PRMT2: variants seen among roughly 807,000 people sequenced by gnomAD.
PRMT2 encodes protein arginine N-methyltransferase 2.
A neutral mutation model predicts 57.6 loss-of-function variants in PRMT2; 26 were observed. That is an observed-to-expected ratio of 0.45 (90% CI 0.33 to 0.63). The LOEUF (loss-of-function observed/expected upper bound fraction) is 0.63, where lower values mean the gene tolerates loss of function less well. Ranked by LOEUF, PRMT2 falls within the 20% of genes least tolerant of loss-of-function variation. The pLI is 0.02. For missense variants in PRMT2, 472 were observed against 564.4 expected (o/e 0.84, Z 1.66); for synonymous variants, 219 against 220.0 (o/e 1.00, Z 0.04).
intron 9 of PRMT2, 92 bp from the exon 10 acceptor site, chr21:46,661,708 G>T (rs954784633): frequency 8.3e-7 from 1 of 1,211,668 alleles, no homozygotes; most frequent in African/African-American, 1.6e-5. Flanking sequence ...CGCATTCAGC[G>T]TCTGCGCGGG....
chr21:46,660,305 C>T (rs1428732990), intron 8 of PRMT2: 1 of 429,022 alleles, frequency 2.3e-6, no homozygotes, highest in Non-Finnish European at 3.1e-6. Context: ...TGTGTAGCAA[C>T]AGAGCAAGTA....
At chr21:46,662,893 C>T (rs116150619) in intron 10 of PRMT2, among the ~76,000 whole-genome samples, 76 of 152,328 alleles carry the variant, frequency 5.0e-4, no homozygotes, top group African/African-American at 1.8e-3. Context: ...TGTCTGTGTA[C>T]ACCACAGTTT....
In PRMT2 at chr21:46,661,917, A is replaced by G; in HGVS notation, c.1078A>G (p.Ser360Gly). 1 of 1,376,484 alleles carries G rather than the reference A, an allele frequency of 7.3e-7. No individual in the cohort carries two copies. The highest frequency in any genetic ancestry group is 1.5e-5 in the South Asian group (1 of 68,936). The allele number at this position is 1,376,484 out of a possible 1,614,324, so 85.3% of individuals were successfully genotyped here. ...GGAGGGGCAGCCGCCGCAGGTGCTCAGCACCGGGCCCTTCCACCCGTGAGT... is the reference window on the plus strand; with the variant it reads ...GGAGGGGCAGCCGCCGCAGGTGCTCGGCACCGGGCCCTTCCACCCGTGAGT... ...LQEGQPPQVLSTGPFHPTTHW... is the reference protein window; with the variant it reads ...LQEGQPPQVLGTGPFHPTTHW... Residue 360 changes from serine (S) to glycine (G), a missense_variant, in exon 10 of 12, where the codon AGC becomes GGC. Ser to Gly is a moderately conservative substitution (Grantham distance 56). Coordinates refer to ENST00000355680, the MANE Select transcript of PRMT2 (RefSeq NM_206962.4).
chr21:46,661,876 A>G lies in PRMT2; in HGVS notation c.1037A>G (p.His346Arg). ...GGCTTCACGGCCTGGTTTAGCGTCC[A>G]CTTCCAGAGCCTGCAGGAGGGGCAG... is the stretch of plus-strand genomic sequence containing the variant. ...LHGFTAWFSV[H>R]FQSLQEGQPP... is the part of the protein sequence containing the mutation. The change falls in exon 10 of 12, where the codon CAC becomes CGC. Residue 346 changes from histidine to arginine, a missense_variant. His to Arg is a conservative substitution (Grantham distance 29, BLOSUM62 0). Coordinates refer to ENST00000355680, the MANE Select transcript of PRMT2 (RefSeq NM_206962.4). 6.7e-7 allele frequency: 1 copy of G among 1,503,206 alleles called. No individual in the cohort carries two copies. The highest frequency in any genetic ancestry group is 1.3e-5 in the South Asian group (1 of 79,170). The allele number at this position is 1,503,206 out of a possible 1,614,324, so 93.1% of individuals were successfully genotyped here. A position where few individuals can be genotyped will look rare whatever the true frequency, so the allele number is the denominator to read the frequency against.
intron 7 of PRMT2, among the ~76,000 whole-genome samples, chr21:46,655,756 A>C (rs2061533090): frequency 6.6e-6 from 1 of 152,226 alleles, no homozygotes; most frequent in African/African-American, 2.4e-5. Context: ...AAATCTAACA[A>C]AATGTGATCT....
rs1245666871 is a variant in PRMT2 at position 46,648,082 on chromosome 21, T to G, written c.328-376T>G. Among the ~76,000 whole-genome samples, 1 of 152,240 alleles carries G rather than the reference T, an allele frequency of 6.6e-6. No individual in the cohort carries two copies. Among genetic ancestry groups the G allele is most frequent in the East Asian group, 1.9e-4 (1 of 5,208 alleles). On this transcript the variant is annotated intron_variant, in intron 5 of 11. Coordinates refer to ENST00000355680, the MANE Select transcript of PRMT2 (RefSeq NM_206962.4). The surrounding 1 kb of genome is among the most constrained non-coding windows in gnomAD (Gnocchi z 4.8). Reference sequence around the variant, plus strand: ...TTTAGTAGGTACTGCATGGAATGTTTATGTTAATTTTGGGAGAGCTGACAT... The same window carrying G: ...TTTAGTAGGTACTGCATGGAATGTTGATGTTAATTTTGGGAGAGCTGACAT...
intron 3 of PRMT2, among the ~76,000 whole-genome samples, 162 bp downstream of exon 3, chr21:46,637,152 G>A (rs2061187220): frequency 1.3e-5 from 2 of 152,212 alleles, no homozygotes; most frequent in Admixed American, 1.3e-4. Flanking sequence ...CAGAGGAAAC[G>A]CAGTGCCTGT....
rs558193250 is a variant in PRMT2 at position 46,648,289 on chromosome 21, A to G, written c.328-169A>G. Reference sequence around the variant, plus strand: ...AGGGGGTGGGTGAAGTGTTCTCTAAATACCAATGAGATTAACTTGGTTGAC... The same window carrying G: ...AGGGGGTGGGTGAAGTGTTCTCTAAGTACCAATGAGATTAACTTGGTTGAC... On this transcript the variant is annotated intron_variant, in intron 5 of 11. Coordinates refer to ENST00000355680, the MANE Select transcript of PRMT2 (RefSeq NM_206962.4). This position sits in a 1 kb window ranked among gnomAD's most constrained non-coding sequence, Gnocchi z 4.8. The G allele has an allele frequency of 3.2e-6, 2 of 623,580 alleles. No homozygotes were observed. The highest frequency in any genetic ancestry group is 5.5e-5 in the East Asian group (2 of 36,188). The allele number at this position is 623,580 out of a possible 1,614,324, so 38.6% of individuals were successfully genotyped here. A position where few individuals can be genotyped will look rare whatever the true frequency, so the allele number is the denominator to read the frequency against.
chr21:46,647,309 A>G (rs2061379319), intron 5 of PRMT2, among the ~76,000 whole-genome samples: 1 of 151,934 alleles, frequency 6.6e-6, no homozygotes, highest in African/African-American at 2.4e-5. Context: ...TTTAGCCTGA[A>G]TTTGTGAAGT....
intron 8 of PRMT2, chr21:46,659,231 C>G (rs1384463053): frequency 9.1e-7 from 1 of 1,100,388 alleles, no homozygotes; most frequent in Non-Finnish European, 1.1e-6. Flanking sequence ...AGCCCTTGTT[C>G]TCTCACGCCA....
At chr21:46,653,325 G>A (rs569066799) in intron 7 of PRMT2, 26 of 985,308 alleles carry the variant, frequency 2.6e-5, no homozygotes, top group Non-Finnish European at 2.9e-5. Flanking sequence ...TGGCCAGTAA[G>A]AATTTAATTT....
chr21:46,644,217 T>G, intron 4 of PRMT2, 89 bp from the exon 5 acceptor site: 1 of 1,298,668 alleles, frequency 7.7e-7, no homozygotes, highest in Non-Finnish European at 1.1e-6. Flanking sequence ...CTCTGTGATT[T>G]TGTCACCATT....
chr21:46,657,231 C>T (rs1328937891), intron 7 of PRMT2: 2 of 152,174 alleles, frequency 1.3e-5, no homozygotes, highest in Non-Finnish European at 2.9e-5. Context: ...ACTGTGGAAA[C>T]AGGTGGGTGC....
intron 7 of PRMT2, chr21:46,653,520 C>T (rs972947464): frequency 6.3e-6 from 6 of 956,162 alleles, no homozygotes; most frequent in Non-Finnish European, 6.1e-6. Context: ...CACTGAAGGA[C>T]GATCTACACA....
At chr21:46,650,601 C>T (rs1172648446) in intron 7 of PRMT2, among the ~76,000 whole-genome samples, 7 of 152,208 alleles carry the variant, frequency 4.6e-5, no homozygotes, top group Non-Finnish European at 1.0e-4. Flanking sequence ...ACTCCTACCC[C>T]CTGAAGGGGC....
At chr21:46,641,906 G>GGGAAAA (rs2148966554) in intron 3 of PRMT2, among the ~76,000 whole-genome samples, 1 of 152,110 alleles carries the variant, frequency 6.6e-6, no homozygotes, top group Non-Finnish European at 1.5e-5. Context: ...TCATGCTCCT[G>GGGAAAA]GCATAGGGAA....
chr21:46,652,383 C>G (rs907222896), intron 7 of PRMT2: 18 of 1,079,092 alleles, frequency 1.7e-5, no homozygotes, highest in South Asian at 8.7e-5. Context: ...AGAATTGCAG[C>G]TAAAGAATTG....
In PRMT2 at chr21:46,647,546, G is replaced by A. The variant is rs79777556; in HGVS notation, c.328-912G>A. Among the ~76,000 whole-genome samples, 1,287 of 152,200 alleles carry A rather than the reference G, an allele frequency of 8.5e-3. 14 individuals carry two copies. Among genetic ancestry groups the A allele is most frequent in the African/African-American group, 0.028 (1,166 of 41,508 alleles). On this transcript the variant is annotated intron_variant, in intron 5 of 11. Coordinates refer to ENST00000355680, the MANE Select transcript of PRMT2 (RefSeq NM_206962.4). ...TGGTGTCACACTCTGTCGTATGAGTGGCTGGAGTGCGGTGGTGCAGTCATA... is the reference window on the plus strand; with the variant it reads ...TGGTGTCACACTCTGTCGTATGAGTAGCTGGAGTGCGGTGGTGCAGTCATA...
At chr21:46,646,834 C>G (rs1259306109) in intron 5 of PRMT2, among the ~76,000 whole-genome samples, 1 of 152,120 alleles carries the variant, frequency 6.6e-6, no homozygotes, top group South Asian at 2.1e-4. Context: ...AACAAAATAC[C>G]TTAGACTGAG....
Sources: allele counts gnomAD v4.1 joint callset (sites outside exome capture counted in the v4.1 genomes callset), GRCh38; gene constraint gnomAD v4.1.1; non-coding constraint Gnocchi (gnomAD v3.1); transcripts MANE v1.5; gene names NCBI Gene and HGNC (gene_info 2026-07-23, HGNC 2026-07-21).